The following UFL1 variants were observed in gnomAD, a reference collection of about 807,000 sequenced individuals.
UFL1 encodes UFM1 specific ligase 1, also known as E3 UFM1-protein ligase 1.
UFL1 carries 78 observed loss-of-function variants against 99.3 expected under a neutral mutation model. That is an observed-to-expected ratio of 0.79 (90% CI 0.65 to 0.95). UFL1 has a LOEUF of 0.95. UFL1 is among the 40% of genes least tolerant of loss of function. The pLI is 0.00. For missense variants in UFL1, 936 were observed against 937.0 expected (o/e 1.00, Z 0.01); for synonymous variants, 335 against 322.2 (o/e 1.04, Z -0.42).
intron 4 of UFL1, among the ~76,000 whole-genome samples, chr6:96,525,713 A>T (rs542740720): frequency 6.6e-6 from 1 of 151,854 alleles, no homozygotes; most frequent in Non-Finnish European, 1.5e-5. Context: ...GTGTTAATGT[A>T]TGGAATACTT....
chr6:96,523,371 A>G (rs1284784665), intron 2 of UFL1, 80 bp downstream of exon 2: 3 of 1,329,238 alleles, frequency 2.3e-6, no homozygotes, highest in Middle Eastern at 2.7e-4. Flanking sequence ...GTAAACATGT[A>G]ATTGCATACT....
rs1770115136 is a variant in UFL1 at position 96,553,743 on chromosome 6, G to T, written c.*240G>T. On this transcript the variant is annotated 3_prime_UTR_variant, in exon 19 of 19. Coordinates refer to ENST00000369278, the MANE Select transcript of UFL1 (RefSeq NM_015323.5). ...CCTGATTTTCACACAAATACTATAT[G>T]AAATTTTTCACATTATTTTCACATA... is the stretch of plus-strand genomic sequence containing the variant. 5.5e-6 allele frequency: 2 copies of T among 366,548 alleles called. No homozygotes were observed. Among genetic ancestry groups the T allele is most frequent in the Middle Eastern group, 7.2e-4 (1 of 1,382 alleles). 22.7% of individuals were successfully genotyped at this position (366,548 alleles called of 1,614,324 possible). A position where few individuals can be genotyped will look rare whatever the true frequency, so the allele number is the denominator to read the frequency against.
intron 13 of UFL1, among the ~76,000 whole-genome samples, 176 bp from the exon 14 acceptor site, chr6:96,549,235 CT>C (rs1230841412): frequency 6.6e-6 from 1 of 151,506 alleles, no homozygotes; most frequent in Admixed American, 6.6e-5. Flanking sequence ...CTATTTCTGT[CT>C]TAATTCCTAG....
At chr6:96,542,852 G>T in intron 11 of UFL1, 42 bp from the exon 12 acceptor site, 1 of 1,494,620 alleles carries the variant, frequency 6.7e-7, no homozygotes, top group South Asian at 1.4e-5. Context: ...TAAAAATGAT[G>T]ATTTAGTTAG....
Position 96,549,704 on chromosome 6 carries a change from A to C in UFL1, c.1723A>C (p.Lys575Gln). The C allele has an allele frequency of 6.2e-7, 1 of 1,612,170 alleles. No homozygotes were observed. Among genetic ancestry groups the C allele is most frequent in the Admixed American group, 1.7e-5 (1 of 59,806 alleles). The stretch of plus-strand genomic sequence containing the variant: ...GGCTGCTCTTACCAAACACTTGCTG[A>C]AGTCAGTGTGTACTGATATCACTAA... ...TQAALTKHLLKSVCTDITNLI... is the reference protein window; with the variant it reads ...TQAALTKHLLQSVCTDITNLI... Residue 575 changes from lysine (K) to glutamine (Q), a missense_variant, in exon 15 of 19, where the codon AAG becomes CAG. Lys to Gln is a moderately conservative substitution (Grantham distance 53, BLOSUM62 1). Transcript: ENST00000369278.
chr6:96,539,379 T>G lies in UFL1; in HGVS notation c.1158+569T>G, dbSNP rs867722953. On this transcript the variant is annotated intron_variant, in intron 10 of 18. Coordinates refer to ENST00000369278, the MANE Select transcript of UFL1 (RefSeq NM_015323.5). ...GGCAGCATCATCTCCTTATAAAGCC[T>G]GCTCTCAAATAGGTAAAATAGGCCC... is the stretch of plus-strand genomic sequence containing the variant. 1.8e-4 allele frequency among the ~76,000 whole-genome samples: 28 copies of G among 151,764 alleles called. No individual in the cohort carries two copies. In the Middle Eastern group the frequency reaches 0.014, roughly 74 times the overall value.
rs779174271 is a variant in UFL1, at chr6:96,538,744, C to T, written c.1092C>T (p.Val364=). ...TAGTCTTTAGCGACACTGTTGTAGT[C>T]AGTGAAAAATTTATAAATGACTGTA... The part of the protein sequence containing the change: ...STVVFSDTVV[V]SEKFINDCTE... Residue 364 remains valine, a synonymous_variant, in exon 10 of 19, where the codon GTC becomes GTT. Coordinates refer to ENST00000369278, the MANE Select transcript of UFL1 (RefSeq NM_015323.5). 63 of 1,611,206 alleles carry T rather than the reference C, an allele frequency of 3.9e-5. No individual in the cohort carries two copies. The South Asian group carries it at 6.6e-4, about 17-fold the overall frequency.
In UFL1 at chr6:96,553,775, A is replaced by G. The variant is rs1185956560; in HGVS notation, c.*272A>G. On this transcript the variant is annotated 3_prime_UTR_variant, in exon 19 of 19. Coordinates refer to ENST00000369278, the MANE Select transcript of UFL1 (RefSeq NM_015323.5). ...TTCACATTATTTTCACATAATTTTA[A>G]AAATTACATATTTCAGGTTTGTTCT... 1 of 315,558 alleles carries G rather than the reference A, an allele frequency of 3.2e-6. No individual in the cohort carries two copies. The highest frequency in any genetic ancestry group is 2.1e-5 in the African/African-American group (1 of 47,112). 19.5% of individuals were successfully genotyped at this position (315,558 alleles called of 1,614,324 possible).
chr6:96,525,492 T>A, intron 4 of UFL1, 98 bp downstream of exon 4: 1 of 862,526 alleles, frequency 1.2e-6, no homozygotes, highest in Admixed American at 2.3e-5. Flanking sequence ...AGTTAGACAT[T>A]TCATTTATAA....
At chr6:96,552,349 GAA>G in intron 17 of UFL1, 131 bp from the exon 18 acceptor site, 1 of 1,008,280 alleles carries the variant, frequency 9.9e-7, no homozygotes, top group Non-Finnish European at 1.4e-6. Context: ...ATCCCATATT[GAA>G]AAGTTACCTT....
At chr6:96,547,214 C>G (rs1770013897) in intron 12 of UFL1, among the ~76,000 whole-genome samples, 1 of 151,608 alleles carries the variant, frequency 6.6e-6, no homozygotes, top group Non-Finnish European at 1.5e-5. Context: ...CCAACGAACA[C>G]ATGAATAAAT....
chr6:96,541,075 C>G (rs902885487), intron 11 of UFL1, among the ~76,000 whole-genome samples: 1 of 151,378 alleles, frequency 6.6e-6, no homozygotes, highest in Non-Finnish European at 1.5e-5. Flanking sequence ...TCTTTTCATT[C>G]AGAGCTCGAC....
At chr6:96,553,233 G>T in intron 18 of UFL1, 52 bp from the exon 19 acceptor site, 1 of 1,538,490 alleles carries the variant, frequency 6.5e-7, no homozygotes, top group Non-Finnish European at 8.9e-7. Flanking sequence ...TACTTTATCT[G>T]TTCCACAAAA....
At chr6:96,522,978 G>T (rs1582435259) in intron 1 of UFL1, 168 bp from the exon 2 acceptor site, 2 of 498,550 alleles carry the variant, frequency 4.0e-6, no homozygotes, top group South Asian at 8.9e-5. Context: ...ACTCTGAAAG[G>T]TTTTTTTTTA....
rs367900080 is a variant in UFL1 at position 96,530,149 on chromosome 6, T to C, written c.596+1517T>C. On this transcript the variant is annotated intron_variant, in intron 6 of 18. Coordinates refer to ENST00000369278, the MANE Select transcript of UFL1 (RefSeq NM_015323.5). ...ACAGATTGCATTTAATTGATAAGAG[T>C]CCTTAGTCACCTTCAATCTGGAATA... 1.5e-4 allele frequency among the ~76,000 whole-genome samples: 23 copies of C among 152,210 alleles called. No homozygotes were observed. The East Asian group carries it at 2.7e-3, about 18-fold the overall frequency.
At chr6:96,526,528 C>T (rs1393776874) in intron 5 of UFL1, 93 bp downstream of exon 5, 1 of 972,686 alleles carries the variant, frequency 1.0e-6, no homozygotes, top group African/African-American at 1.7e-5. Context: ...ATGAGACTTC[C>T]TCACCATCAT....
Position 96,554,151 on chromosome 6 carries a change from A to G in UFL1, c.*648A>G, listed in dbSNP as rs1466046530. 1 of 152,228 alleles carries G rather than the reference A, an allele frequency of 6.6e-6. No individual in the cohort carries two copies. Among genetic ancestry groups the G allele is most frequent in the African/African-American group, 2.4e-5 (1 of 41,466 alleles). The allele number at this position is 152,228 out of a possible 1,614,324, so 9.4% of individuals were successfully genotyped here. On this transcript the variant is annotated 3_prime_UTR_variant, in exon 19 of 19. Transcript: ENST00000369278. ...ACAAGAACGCTAGAGTGGCCCATGC[A>G]TTGCTGTGTTCTCTTCTAAAACAAG...
chr6:96,537,046 C>A (rs2127951054), intron 8 of UFL1, among the ~76,000 whole-genome samples: 1 of 151,656 alleles, frequency 6.6e-6, no homozygotes, highest in African/African-American at 2.4e-5. Flanking sequence ...TAATCCAAGT[C>A]AAACTGCATA....
At chr6:96,553,174 G>GT (rs1013493848) in intron 18 of UFL1, 111 bp from the exon 19 acceptor site, 93 of 1,032,192 alleles carry the variant, frequency 9.0e-5, no homozygotes, top group Middle Eastern at 6.6e-4. Context: ...TACATGGCCA[G>GT]TTTTTTGTAA....
Sources: allele counts gnomAD v4.1 joint callset (sites outside exome capture counted in the v4.1 genomes callset), GRCh38; gene constraint gnomAD v4.1.1; transcripts MANE v1.5; gene names NCBI Gene and HGNC (gene_info 2026-07-23, HGNC 2026-07-21).